Variants in CNGB1 observed in about 807,000 individuals in gnomAD.
CNGB1 encodes cyclic nucleotide-gated channel beta-1.
CNGB1 carries 126 observed loss-of-function variants against 151.7 expected under a neutral mutation model. The ratio of observed to expected loss-of-function variants is 0.83; its 90% CI spans 0.72 to 0.96. The LOEUF (loss-of-function observed/expected upper bound fraction) is 0.96. Ranked by LOEUF, CNGB1 falls within the 40% of genes least tolerant of loss-of-function variation. The probability of loss-of-function intolerance (pLI) is 0.00; values close to 1 mark genes in which losing one functional copy is unlikely to be tolerated. For missense variants in CNGB1, 1,698 were observed against 1,627.0 expected, an observed-to-expected ratio of 1.04 and a Z score of -0.75; for synonymous variants, 623 against 635.1, an observed-to-expected ratio of 0.98 and a Z score of 0.29.
chr16:57,936,622 G>A (rs552470455), intron 16 of CNGB1, among the ~76,000 whole-genome samples: 7 of 151,988 alleles, frequency 4.6e-5, no homozygotes, highest in East Asian at 1.9e-4. Flanking sequence ...GCAAAACCCC[G>A]TCTCTACTAA....
At chr16:57,966,331 T>C (rs1049248581) in intron 2 of CNGB1, among the ~76,000 whole-genome samples, 2 of 152,256 alleles carry the variant, frequency 1.3e-5, no homozygotes, top group African/African-American at 4.8e-5. Context: ...TTCATCTTTA[T>C]GCTTTCAGCA....
chr16:57,908,216 T>C (rs1310367690), intron 25 of CNGB1, among the ~76,000 whole-genome samples: 1 of 152,098 alleles, frequency 6.6e-6, no homozygotes, highest in Non-Finnish European at 1.5e-5. Context: ...AAGGCGTGGC[T>C]CCCCCTCGGG....
intron 25 of CNGB1, among the ~76,000 whole-genome samples, chr16:57,909,220 A>T (rs1960640298): frequency 6.6e-6 from 1 of 152,088 alleles, no homozygotes. Flanking sequence ...ATGAGCTGAG[A>T]TCATGCTGCT....
rs759529186 is a variant in CNGB1, at chr16:57,919,245, T to C, written c.1811A>G (p.Lys604Arg). 5.0e-6 allele frequency: 8 copies of C among 1,614,188 alleles called. No individual in the cohort carries two copies. The highest frequency in any genetic ancestry group is 6.8e-6 in the Non-Finnish European group (8 of 1,180,026). ...DEESPKPSPA[K>R]KAPEPAPDTK... ...GTCTGGAGCTGGCTCTGGGGCTTTC[T>C]TGGCTGGGGCTGTGGGATGACATTG... Residue 604 changes from lysine to arginine, a missense_variant, in exon 20 of 33, where the codon AAG becomes AGG. Lys to Arg is a conservative substitution (Grantham distance 26, BLOSUM62 2). Transcript: ENST00000251102.
chr16:57,944,599 C>T (rs1269761015), intron 14 of CNGB1, among the ~76,000 whole-genome samples: 1 of 152,118 alleles, frequency 6.6e-6, no homozygotes, highest in Non-Finnish European at 1.5e-5. Flanking sequence ...AGCCATTCCA[C>T]AATGTATACA....
chr16:57,957,879 C>A lies in CNGB1; in HGVS notation c.838-502G>T, dbSNP rs1203687531. Reference sequence around the variant, plus strand: ...GCCAGGAGAGAGATTAGGCCTCCCACCTCCCAGTTCCAGGTGCTTCTATAA... The same window carrying A: ...GCCAGGAGAGAGATTAGGCCTCCCAACTCCCAGTTCCAGGTGCTTCTATAA... On this transcript the variant is annotated intron_variant, in intron 11 of 32. Coordinates refer to ENST00000251102, the MANE Select transcript of CNGB1 (RefSeq NM_001297.5). Among the ~76,000 whole-genome samples the A allele has an allele frequency of 2.6e-5, 4 of 152,214 alleles. No individual in the cohort carries two copies. In the South Asian group the frequency reaches 8.3e-4, roughly 31 times the overall value.
intron 16 of CNGB1, among the ~76,000 whole-genome samples, chr16:57,937,820 G>A (rs1045617983): frequency 9.2e-5 from 14 of 152,316 alleles, no homozygotes; most frequent in Non-Finnish European, 1.6e-4. Flanking sequence ...GAATCACCTG[G>A]GAAGGTTTGA....
intron 8 of CNGB1, 111 bp from the exon 9 acceptor site, chr16:57,960,641 G>A (rs773682316): frequency 6.4e-5 from 91 of 1,420,450 alleles, no homozygotes; most frequent in Middle Eastern, 1.7e-4. Context: ...GGGGATGGGG[G>A]TGGGGGGTGT....
chr16:57,887,760 A>G, intron 32 of CNGB1, 95 bp downstream of exon 32: 1 of 1,231,748 alleles, frequency 8.1e-7, no homozygotes, highest in East Asian at 2.3e-5. Context: ...GGAAGACCCT[A>G]AAACTAAATG....
intron 24 of CNGB1, 124 bp from the exon 25 acceptor site, chr16:57,911,999 C>A: frequency 1.5e-6 from 2 of 1,332,452 alleles, no homozygotes; most frequent in African/African-American, 1.4e-5. Context: ...GAGATTGCAC[C>A]AGTTAGGAAG....
intron 12 of CNGB1, chr16:57,954,784 T>C: frequency 1.0e-6 from 1 of 989,140 alleles, no homozygotes; most frequent in Non-Finnish European, 1.2e-6. Flanking sequence ...AGGGAGAACC[T>C]CTTCTGGGAA....
chr16:57,886,915 C>T (rs1276777811), intron 32 of CNGB1, among the ~76,000 whole-genome samples: 2 of 152,094 alleles, frequency 1.3e-5, no homozygotes, highest in African/African-American at 4.8e-5. Context: ...CACTCTGTCA[C>T]CCAGGCTGGA....
intron 25 of CNGB1, 36 bp downstream of exon 25, chr16:57,911,717 C>T: frequency 6.2e-7 from 1 of 1,612,854 alleles, no homozygotes. Context: ...AGGAAGGTCA[C>T]CCAGGCATGG....
rs199780945 is a variant in CNGB1, at chr16:57,888,073, G to T, written c.3244C>A (p.Arg1082Ser). The T allele has an allele frequency of 6.2e-6, 10 of 1,613,498 alleles. No individual in the cohort carries two copies. Among genetic ancestry groups the T allele is most frequent in the African/African-American group, 1.3e-5 (1 of 75,026 alleles). Residue 1082 changes from arginine (R) to serine (S), a missense_variant and splice_region_variant, in exon 32 of 33, where the codon CGC becomes AGC. Physicochemically the swap from Arg to Ser is moderately radical, Grantham distance 110. Transcript: ENST00000251102. ...SQKLLRKKAR[R>S]MLRSNNKPKE... ...GGCTTATTGTTGCTTCTCAGCATGC[G>T]CCTGGAAGAAAGCAGCATCCATTGA...
chr16:57,955,320 C>T, intron 12 of CNGB1: 1 of 1,551,878 alleles, frequency 6.4e-7, no homozygotes, highest in Non-Finnish European at 8.7e-7. Flanking sequence ...TCTGAGCTCT[C>T]CCAGATTCCC....
chr16:57,896,610 G>A (rs1453016697), intron 31 of CNGB1, among the ~76,000 whole-genome samples: 1 of 152,092 alleles, frequency 6.6e-6, no homozygotes, highest in African/African-American at 2.4e-5. Flanking sequence ...CTACTCAGGA[G>A]GCTGAGGCAG....
At chr16:57,902,161 C>T (rs1433735595) in intron 27 of CNGB1, among the ~76,000 whole-genome samples, 4 of 152,108 alleles carry the variant, frequency 2.6e-5, no homozygotes, top group Admixed American at 6.6e-5. Flanking sequence ...ACCTCCACCT[C>T]CCTAGTACAA....
intron 29 of CNGB1, 82 bp downstream of exon 29, chr16:57,901,270 C>A (rs1960377825): frequency 2.2e-6 from 3 of 1,342,756 alleles, no homozygotes; most frequent in South Asian, 2.3e-5. Flanking sequence ...CCTGGGCTGG[C>A]AGGCACCCCT....
intron 19 of CNGB1, 48 bp from the exon 20 acceptor site, chr16:57,919,302 T>A (rs1960965301): frequency 1.9e-6 from 3 of 1,613,226 alleles, no homozygotes; most frequent in African/African-American, 2.7e-5. Context: ...GAGGCCCAGG[T>A]AGAGGATGCA....
Sources: allele counts gnomAD v4.1 joint callset (sites outside exome capture counted in the v4.1 genomes callset), GRCh38; gene constraint gnomAD v4.1.1; transcripts MANE v1.5; gene names NCBI Gene and HGNC (gene_info 2026-07-23, HGNC 2026-07-21).